The following PCDH15 variants were observed in gnomAD, a reference collection of about 807,000 sequenced individuals.
PCDH15 encodes the protein protocadherin-15.
PCDH15 carries 129 observed loss-of-function variants against 178.5 expected under a neutral mutation model. The ratio of observed to expected loss-of-function variants is 0.72; its 90% CI spans 0.63 to 0.84. The LOEUF (loss-of-function observed/expected upper bound fraction) is 0.84, where lower values mean the gene tolerates loss of function less well. Among genes scored for constraint, PCDH15 ranks in the 40% least tolerant of loss-of-function variants. The pLI is 0.00. For synonymous variants in PCDH15, 800 were observed against 732.0 expected (o/e 1.09, Z -1.50); for missense variants, 2,230 against 2,099.9 (o/e 1.06, Z -1.21).
At chr10:53,927,721 T>G (rs2084690697) in intron 25 of PCDH15, among the ~76,000 whole-genome samples, 1 of 152,126 alleles carries the variant, frequency 6.6e-6, no homozygotes, top group African/African-American at 2.4e-5. Context: ...CTTCATAGTG[T>G]TATCTATACT....
At chr10:54,238,308 G>A (rs1405450425) in intron 8 of PCDH15, among the ~76,000 whole-genome samples, 3 of 151,814 alleles carry the variant, frequency 2.0e-5, no homozygotes, top group Admixed American at 1.3e-4. Flanking sequence ...GTATAGTGAT[G>A]GCATGCTAAA....
intron 26 of PCDH15, among the ~76,000 whole-genome samples, chr10:53,870,973 T>G (rs1022950692): frequency 6.6e-6 from 1 of 152,094 alleles, no homozygotes; most frequent in Admixed American, 6.6e-5. Flanking sequence ...AACTTACTTT[T>G]TTGCTTGTTT....
chr10:54,203,986 T>G (rs1188894521), intron 10 of PCDH15, among the ~76,000 whole-genome samples: 2 of 152,230 alleles, frequency 1.3e-5, no homozygotes, highest in Non-Finnish European at 2.9e-5. Context: ...TTGCATTTGC[T>G]TAACATTTTA....
intron 1 of PCDH15, among the ~76,000 whole-genome samples, chr10:54,796,828 C>A (rs1199360624): frequency 6.6e-6 from 1 of 151,970 alleles, no homozygotes; most frequent in East Asian, 1.9e-4. Flanking sequence ...GTAATAAAAA[C>A]CTCTCATCCA....
intron 2 of PCDH15, among the ~76,000 whole-genome samples, chr10:54,543,259 C>G (rs2085464660): frequency 6.6e-6 from 1 of 152,138 alleles, no homozygotes; most frequent in Non-Finnish European, 1.5e-5. Context: ...GGCAAGAAAC[C>G]CCGGGATACA....
chr10:54,922,522 T>C (rs1380057378), intron 2 of PCDH15, among the ~76,000 whole-genome samples: 1 of 152,056 alleles, frequency 6.6e-6, no homozygotes, highest in Non-Finnish European at 1.5e-5. Flanking sequence ...ACTTTTGAGT[T>C]AATGCTGGAA....
At chr10:54,859,241 C>G (rs1953795931) in intron 3 of PCDH15, among the ~76,000 whole-genome samples, 1 of 152,040 alleles carries the variant, frequency 6.6e-6, no homozygotes, top group African/African-American at 2.4e-5. Flanking sequence ...CTTACTTTCT[C>G]TCAAATTAAT....
At chr10:55,532,106 T>C (rs565613705) in intron 2 of PCDH15, among the ~76,000 whole-genome samples, 3 of 151,244 alleles carry the variant, frequency 2.0e-5, no homozygotes, top group African/African-American at 7.2e-5. Context: ...AATTTTCTAA[T>C]ATTTATTTAT....
intron 3 of PCDH15, among the ~76,000 whole-genome samples, chr10:54,886,130 T>C (rs1047556398): frequency 6.6e-6 from 1 of 151,718 alleles, no homozygotes; most frequent in Non-Finnish European, 1.5e-5. Context: ...ATCACAAATA[T>C]AGAGACAGAT....
chr10:54,128,174 G>A (rs2042136136), intron 15 of PCDH15, among the ~76,000 whole-genome samples: 1 of 152,052 alleles, frequency 6.6e-6, no homozygotes, highest in Non-Finnish European at 1.5e-5. Flanking sequence ...TCAATATCAA[G>A]CAACAATCCT....
intron 2 of PCDH15, among the ~76,000 whole-genome samples, chr10:55,408,866 A>T (rs1326801952): frequency 6.6e-6 from 1 of 152,144 alleles, no homozygotes; most frequent in Non-Finnish European, 1.5e-5. Context: ...GACAAACCCG[A>T]TGGACAATTT....
intron 1 of PCDH15, among the ~76,000 whole-genome samples, chr10:55,266,841 A>G (rs1435704282): frequency 6.6e-6 from 1 of 152,204 alleles, no homozygotes; most frequent in Admixed American, 6.5e-5. Context: ...TGTTCTTGCA[A>G]TAAGGCAGAG....
chr10:55,233,025 T>G (rs1041628947), intron 1 of PCDH15, among the ~76,000 whole-genome samples: 10 of 151,940 alleles, frequency 6.6e-5, no homozygotes, highest in Non-Finnish European at 1.3e-4. Flanking sequence ...AGTTAGTTAC[T>G]TAGCAATAGG....
chr10:55,599,434 C>G, intron 2 of PCDH15: 1 of 152,388 alleles, frequency 6.6e-6, no homozygotes, highest in South Asian at 2.1e-4. Flanking sequence ...GATTTTACCA[C>G]CATAATTGGC....
chr10:54,388,544 C>T (rs1203807469), intron 3 of PCDH15, among the ~76,000 whole-genome samples: 1 of 152,106 alleles, frequency 6.6e-6, no homozygotes, highest in Non-Finnish European at 1.5e-5. Context: ...ATGACCAAAC[C>T]TCATAGAAGT....
At chr10:53,981,079 T>C (rs1205838838) in intron 21 of PCDH15, among the ~76,000 whole-genome samples, 4 of 152,168 alleles carry the variant, frequency 2.6e-5, no homozygotes, top group Admixed American at 1.3e-4. Context: ...GGCAGACAAA[T>C]CCTGCATTGG....
At chr10:54,011,001 C>T (rs2092563662) in intron 20 of PCDH15, among the ~76,000 whole-genome samples, 1 of 152,114 alleles carries the variant, frequency 6.6e-6, no homozygotes, top group African/African-American at 2.4e-5. Flanking sequence ...AAAGGTTTTA[C>T]TCACTCTTCC....
intron 2 of PCDH15, among the ~76,000 whole-genome samples, chr10:54,549,997 C>T (rs2086367035): frequency 6.6e-6 from 1 of 152,034 alleles, no homozygotes; most frequent in South Asian, 2.1e-4. Flanking sequence ...TATCTCCTAA[C>T]TCCTATAGAC....
intron 21 of PCDH15, among the ~76,000 whole-genome samples, chr10:53,985,368 A>G (rs1237854549): frequency 6.6e-6 from 1 of 152,182 alleles, no homozygotes; most frequent in East Asian, 1.9e-4. Flanking sequence ...TTGTATAGGA[A>G]TCTCTGGTAT....
Sources: gnomAD v4.1 joint callset for allele counts (sites outside exome capture counted in the v4.1 genomes callset) on GRCh38, gnomAD v4.1.1 for gene constraint, MANE v1.5 for transcripts, NCBI Gene and HGNC (gene_info 2026-07-23, HGNC 2026-07-21) for gene names.